FHIT: variants seen among roughly 807,000 people sequenced by gnomAD.
FHIT encodes bis(5'-adenosyl)-triphosphatase.
FHIT carries 19 observed loss-of-function variants against 17.9 expected under a neutral mutation model. The ratio of observed to expected loss-of-function variants is 1.06; its 90% confidence interval spans 0.74 to 1.56. FHIT has a LOEUF of 1.56. Among genes scored for constraint, FHIT ranks in the 40% most tolerant of loss-of-function variants. FHIT has a pLI of 0.00. For synonymous variants in FHIT, 81 were observed against 69.7 expected (o/e 1.16, Z -0.81); for missense variants, 248 against 189.2 (o/e 1.31, Z -1.82).
chr3:60,043,409 C>T (rs1701523427), intron 5 of FHIT, among the ~76,000 whole-genome samples: 1 of 152,214 alleles, frequency 6.6e-6, no homozygotes, highest in Non-Finnish European at 1.5e-5. Context: ...CCGTGCCAGG[C>T]ACTTACCATG....
chr3:61,176,289 C>T (rs1321635335), intron 2 of FHIT, among the ~76,000 whole-genome samples: 4 of 152,206 alleles, frequency 2.6e-5, no homozygotes, highest in Non-Finnish European at 5.9e-5. Flanking sequence ...TAGAAAAGTG[C>T]TGCAATCATT....
At chr3:59,792,593 G>C (rs1329552840) in intron 8 of FHIT, among the ~76,000 whole-genome samples, 1 of 152,094 alleles carries the variant, frequency 6.6e-6, no homozygotes. Flanking sequence ...GGACTATACT[G>C]CCTCACAAAG....
chr3:59,790,555 G>A (rs62238261), intron 8 of FHIT, among the ~76,000 whole-genome samples: 9,105 of 151,452 alleles, frequency 0.06, 339 homozygotes, highest in East Asian at 0.15. Flanking sequence ...TAAATCATCT[G>A]TCTTCATCAT....
chr3:59,807,376 C>T (rs766830941), intron 8 of FHIT, among the ~76,000 whole-genome samples: 1 of 152,124 alleles, frequency 6.6e-6, no homozygotes, highest in East Asian at 1.9e-4. Flanking sequence ...GGATGCCAAA[C>T]AGGAACACAC....
chr3:60,140,655 C>T (rs183302703), intron 5 of FHIT, among the ~76,000 whole-genome samples: 42 of 151,042 alleles, frequency 2.8e-4, no homozygotes, highest in Non-Finnish European at 4.4e-4. Flanking sequence ...CTCAGCTCAC[C>T]GCAACCTCCA....
At chr3:60,367,664 A>G (rs1055317965) in intron 5 of FHIT, among the ~76,000 whole-genome samples, 49 of 152,194 alleles carry the variant, frequency 3.2e-4, no homozygotes, top group African/African-American at 1.1e-3. Flanking sequence ...AAAATATCCA[A>G]TTTTTAAAAA....
intron 2 of FHIT, among the ~76,000 whole-genome samples, chr3:61,095,003 G>T (rs2035595187): frequency 6.6e-6 from 1 of 152,152 alleles, no homozygotes; most frequent in African/African-American, 2.4e-5. Flanking sequence ...CGTGAATAAG[G>T]GGAGACCACT....
intron 4 of FHIT, among the ~76,000 whole-genome samples, chr3:60,720,520 A>G (rs2041786315): frequency 6.6e-6 from 1 of 152,210 alleles, no homozygotes; most frequent in Non-Finnish European, 1.5e-5. Context: ...TATATTTTGA[A>G]TATTAGTCTT....
intron 5 of FHIT, among the ~76,000 whole-genome samples, chr3:60,124,179 A>G (rs1412951419): frequency 6.6e-6 from 1 of 150,388 alleles, no homozygotes; most frequent in Middle Eastern, 3.2e-3. Flanking sequence ...CACCCTCCTA[A>G]AGCACTGGGA....
Position 60,945,539 on chromosome 3 carries a change from T to A in FHIT, c.-111+96508A>T, listed in dbSNP as rs9837423. Among the ~76,000 whole-genome samples the A allele has an allele frequency of 3.0e-3, 450 of 152,224 alleles. 5 individuals carry two copies. Among genetic ancestry groups the A allele is most frequent in the Middle Eastern group, 0.024 (7 of 294 alleles). ...ACCTGAGTAGCTGGGATTACAGGCATCCATCACCATGCCCCGCTTATTTTT... is the reference window on the plus strand; with the variant it reads ...ACCTGAGTAGCTGGGATTACAGGCAACCATCACCATGCCCCGCTTATTTTT... On this transcript the variant is annotated intron_variant, in intron 3 of 9. Transcript: ENST00000492590.
At chr3:59,821,452 A>G (rs1305162159) in intron 8 of FHIT, among the ~76,000 whole-genome samples, 1 of 152,202 alleles carries the variant, frequency 6.6e-6, no homozygotes, top group Non-Finnish European at 1.5e-5. Context: ...AGACAGCTGC[A>G]GTTTTGCCTC....
intron 5 of FHIT, among the ~76,000 whole-genome samples, chr3:60,214,938 C>T (rs1371453565): frequency 1.3e-5 from 2 of 152,104 alleles, no homozygotes; most frequent in Non-Finnish European, 2.9e-5. Context: ...ATACAACACC[C>T]TCTCACTTAT....
intron 2 of FHIT, among the ~76,000 whole-genome samples, chr3:61,066,390 G>A (rs1468986170): frequency 6.6e-6 from 1 of 152,140 alleles, no homozygotes; most frequent in Non-Finnish European, 1.5e-5. Context: ...AAGGTGGGTG[G>A]ATCATCTGAG....
intron 5 of FHIT, among the ~76,000 whole-genome samples, chr3:60,260,626 G>A (rs1706244250): frequency 6.6e-6 from 1 of 151,888 alleles, no homozygotes; most frequent in African/African-American, 2.4e-5. Context: ...ATCTGTCAGA[G>A]GTGTTTGAAC....
At chr3:60,124,005 T>TAGAGAG (rs1559653665) in intron 5 of FHIT, among the ~76,000 whole-genome samples, 14 of 20,904 alleles carry the variant, frequency 6.7e-4, no homozygotes, top group Non-Finnish European at 8.8e-4. Context: ...TATATATATA[T>TAGAGAG]ATATAGAGAG....
intron 4 of FHIT, among the ~76,000 whole-genome samples, chr3:60,576,432 A>C (rs1163734650): frequency 6.6e-6 from 1 of 152,104 alleles, no homozygotes; most frequent in Admixed American, 6.6e-5. Context: ...AAAGAAATGC[A>C]ACCTGAAAAT....
chr3:61,048,387 T>C (rs2033895270), intron 2 of FHIT, among the ~76,000 whole-genome samples: 1 of 152,218 alleles, frequency 6.6e-6, no homozygotes. Context: ...ATGCTCATCA[T>C]CACTGGCCAT....
chr3:60,480,884 T>C (rs544012052), intron 5 of FHIT, among the ~76,000 whole-genome samples: 28 of 152,328 alleles, frequency 1.8e-4, no homozygotes, highest in African/African-American at 6.0e-4. Context: ...TCTACCATTC[T>C]GGGGTCTAGA....
chr3:60,317,170 A>C (rs1002070289), intron 5 of FHIT, among the ~76,000 whole-genome samples: 1 of 149,836 alleles, frequency 6.7e-6, no homozygotes, highest in African/African-American at 2.5e-5. Flanking sequence ...TTAAAAATTC[A>C]AATGGCTTAT....
Sources: allele counts gnomAD v4.1 joint callset (sites outside exome capture counted in the v4.1 genomes callset), GRCh38; gene constraint gnomAD v4.1.1; transcripts MANE v1.5; gene names NCBI Gene and HGNC (gene_info 2026-07-23, HGNC 2026-07-21).